UMAD1: variants seen among roughly 807,000 people sequenced by gnomAD.
The protein encoded by UMAD1 is UBAP1-MVB12-associated (UMA) domain containing 1, also known as UBAP1-MVB12-associated (UMA)-domain containing protein 1.
A neutral mutation model predicts 6.1 loss-of-function variants in UMAD1; 8 were observed. That is an observed-to-expected ratio of 1.30 (90% CI 0.76 to 2.35). UMAD1 has a LOEUF of 2.35. Ranked by LOEUF, UMAD1 falls within the 30% of genes most tolerant of loss-of-function variation. The pLI, the probability that UMAD1 is intolerant of heterozygous loss-of-function variation, is 0.00. For missense variants in UMAD1, 130 were observed against 78.4 expected (o/e 1.66, Z -2.49); for synonymous variants, 56 against 31.4 (o/e 1.78, Z -2.61).
intron 3 of UMAD1, among the ~76,000 whole-genome samples, chr7:7,834,969 C>A (rs1783537956): frequency 6.6e-6 from 1 of 151,712 alleles, no homozygotes; most frequent in African/African-American, 2.4e-5. Context: ...AAGGAAGCCA[C>A]ACATTTTAAA....
chr7:7,731,186 AG>A (rs369671274), intron 2 of UMAD1, among the ~76,000 whole-genome samples: 9 of 150,858 alleles, frequency 6.0e-5, no homozygotes, highest in African/African-American at 9.8e-5. Flanking sequence ...TTCAGTAGAG[AG>A]GGGGGGGTTC....
At chr7:7,804,824 A>G (rs930288176) in intron 3 of UMAD1, among the ~76,000 whole-genome samples, 4 of 151,970 alleles carry the variant, frequency 2.6e-5, no homozygotes, top group Non-Finnish European at 5.9e-5. Flanking sequence ...TACTAAAAAT[A>G]CAAAAAATTA....
intron 2 of UMAD1, among the ~76,000 whole-genome samples, chr7:7,711,268 T>C (rs1417281158): frequency 6.6e-6 from 1 of 152,176 alleles, no homozygotes; most frequent in East Asian, 1.9e-4. Flanking sequence ...TCTGAAAAAG[T>C]TCAATTAAAA....
chr7:7,800,071 C>T (rs867563736), intron 2 of UMAD1, among the ~76,000 whole-genome samples: 3 of 152,144 alleles, frequency 2.0e-5, no homozygotes, highest in Admixed American at 6.5e-5. Flanking sequence ...TTAGTAGAGA[C>T]GGAGTTTCAC....
chr7:7,834,128 T>G (rs1783518651), intron 3 of UMAD1, among the ~76,000 whole-genome samples: 1 of 151,316 alleles, frequency 6.6e-6, no homozygotes, highest in Non-Finnish European at 1.5e-5. Flanking sequence ...GTCAAGTGAT[T>G]CTCCTGCCTC....
At chr7:7,738,116 G>A (rs925455844) in intron 2 of UMAD1, among the ~76,000 whole-genome samples, 1 of 152,004 alleles carries the variant, frequency 6.6e-6, no homozygotes, top group African/African-American at 2.4e-5. Flanking sequence ...TTGATAAAAG[G>A]GTCTGTAGAA....
chr7:7,723,866 A>G (rs955105448), intron 2 of UMAD1, among the ~76,000 whole-genome samples: 13 of 151,338 alleles, frequency 8.6e-5, no homozygotes, highest in Admixed American at 8.5e-4. Flanking sequence ...CTAATTAATC[A>G]CGGTGTTCCT....
intron 2 of UMAD1, among the ~76,000 whole-genome samples, chr7:7,797,977 G>A (rs907647817): frequency 3.3e-5 from 5 of 152,188 alleles, no homozygotes; most frequent in Admixed American, 1.3e-4. Context: ...GTGAGCCACC[G>A]TGCCTGGCCA....
intron 2 of UMAD1, among the ~76,000 whole-genome samples, chr7:7,763,990 G>T (rs73051907): frequency 6.6e-6 from 1 of 152,118 alleles, no homozygotes. Context: ...TACCAAAAAG[G>T]TTTAGAAATA....
At chr7:7,736,854 C>T (rs1308298298) in intron 2 of UMAD1, 1 of 152,284 alleles carries the variant, frequency 6.6e-6, no homozygotes, top group Non-Finnish European at 1.5e-5. Flanking sequence ...GCATCTCTGA[C>T]AGCTGTAGCC....
At chr7:7,662,763 A>G (rs1483180463) in intron 1 of UMAD1, among the ~76,000 whole-genome samples, 1 of 152,196 alleles carries the variant, frequency 6.6e-6, no homozygotes, top group African/African-American at 2.4e-5. Context: ...CTATTCGGCC[A>G]TCTTGCCAGC....
intron 1 of UMAD1, among the ~76,000 whole-genome samples, chr7:7,646,099 G>A (rs940249744): frequency 1.3e-5 from 2 of 152,176 alleles, no homozygotes; most frequent in African/African-American, 4.8e-5. Context: ...TGCTCTTTTA[G>A]CCCTGCCGTC....
chr7:7,775,387 T>C (rs1782183594), intron 2 of UMAD1, among the ~76,000 whole-genome samples: 1 of 152,194 alleles, frequency 6.6e-6, no homozygotes, highest in African/African-American at 2.4e-5. Context: ...GTTCTCATGA[T>C]AGTGAGTGAG....
At chr7:7,673,247 A>T in intron 1 of UMAD1, 62 bp from the exon 2 acceptor site, 1 of 990,930 alleles carries the variant, frequency 1.0e-6, no homozygotes, top group East Asian at 2.6e-5. Context: ...ACTTTTTGCT[A>T]AAAAGGGTAA....
At chr7:7,643,773 C>G (rs28916868) in intron 1 of UMAD1, among the ~76,000 whole-genome samples, 42 of 151,472 alleles carry the variant, frequency 2.8e-4, no homozygotes, top group African/African-American at 1.0e-3. Flanking sequence ...GACACTTGAC[C>G]TACTCTCTTT....
In UMAD1 at chr7:7,796,244, C is replaced by CTTTTTTTT. The variant is rs59221325; in HGVS notation, c.83-5409_83-5402dup. Among the ~76,000 whole-genome samples the CTTTTTTTT allele has an allele frequency of 3.5e-3, 222 of 63,938 alleles. 12 individuals carry two copies. Among genetic ancestry groups the CTTTTTTTT allele is most frequent in the African/African-American group, 7.2e-3 (74 of 10,236 alleles). The allele number at this position is 63,938 out of a possible 152,430, so 41.9% of individuals were successfully genotyped here. On this transcript the variant is annotated intron_variant, in intron 2 of 3. Coordinates refer to ENST00000682710, the MANE Select transcript of UMAD1 (RefSeq NM_001302348.2). ...ACTTTGACCCATTTCTATTTTCTTTCTTTTTTTTTTTTTTTTTTTTTTTTG... is the reference window on the plus strand; with the variant it reads ...ACTTTGACCCATTTCTATTTTCTTTCTTTTTTTTTTTTTTTTTTTTTTTTTTTTTTTTG...
intron 2 of UMAD1, among the ~76,000 whole-genome samples, chr7:7,734,639 T>C (rs1334963219): frequency 1.3e-5 from 2 of 152,184 alleles, no homozygotes; most frequent in Non-Finnish European, 2.9e-5. Flanking sequence ...GGAATTTTGT[T>C]AAAATAAAGC....
chr7:7,791,103 GTC>G (rs1412039735), intron 2 of UMAD1, among the ~76,000 whole-genome samples: 2 of 152,166 alleles, frequency 1.3e-5, no homozygotes, highest in Non-Finnish European at 2.9e-5. Flanking sequence ...GGCCAGGCTG[GTC>G]TCGAACTCCC....
chr7:7,825,569 A>C (rs952110430), intron 3 of UMAD1, among the ~76,000 whole-genome samples: 2 of 152,152 alleles, frequency 1.3e-5, no homozygotes, highest in African/African-American at 2.4e-5. Context: ...CATGAGACTT[A>C]TTCACTATCA....
Sources: allele counts gnomAD v4.1 joint callset (sites outside exome capture counted in the v4.1 genomes callset), GRCh38; gene constraint gnomAD v4.1.1; transcripts MANE v1.5; gene names NCBI Gene and HGNC (gene_info 2026-07-23, HGNC 2026-07-21).